Variants in ANTXR1 observed in about 807,000 individuals in gnomAD.
ANTXR1 encodes the protein ANTXR cell adhesion molecule 1.
ANTXR1 carries 19 observed loss-of-function variants against 78.1 expected under a neutral mutation model. That is an observed-to-expected ratio of 0.24 (90% CI 0.17 to 0.36). The LOEUF (loss-of-function observed/expected upper bound fraction) is 0.36, where lower values mean the gene tolerates loss of function less well. Ranked by LOEUF, ANTXR1 falls within the 10% of genes least tolerant of loss-of-function variation. The probability of loss-of-function intolerance (pLI) is 1.00; values close to 1 mark genes in which losing one functional copy is unlikely to be tolerated. For missense variants in ANTXR1, 518 were observed against 718.6 expected, an observed-to-expected ratio of 0.72 and a Z score of 3.19; for synonymous variants, 273 against 260.5, an observed-to-expected ratio of 1.05 and a Z score of -0.46.
Position 69,248,170 on chromosome 2 carries a change from AATT to A in ANTXR1, c.*2689_*2691del, listed in dbSNP as rs1574004159. 6.0e-6 allele frequency: 1 copy of A among 166,894 alleles called. No individual in the cohort carries two copies. The highest frequency in any genetic ancestry group is 1.9e-4 in the East Asian group (1 of 5,186). 10.3% of individuals were successfully genotyped at this position (166,894 alleles called of 1,614,324 possible). On this transcript the variant is annotated 3_prime_UTR_variant, in exon 18 of 18. Coordinates refer to ENST00000303714, the MANE Select transcript of ANTXR1 (RefSeq NM_032208.3). ...TGATTATGATCAGGAAACTGCACAA[AATT>A]ATTGTTTTCAGCCCCCGTGTTATTG... is the stretch of plus-strand genomic sequence containing the variant.
rs547254888 is a variant in ANTXR1, at chr2:69,183,543, G to C, written c.1353+883G>C. Reference sequence around the variant, plus strand: ...TCAACCCCCAAGTAGCTGGGACTACGGGCACGCACCACCACACCCAGCTAA... The same window carrying C: ...TCAACCCCCAAGTAGCTGGGACTACCGGCACGCACCACCACACCCAGCTAA... On this transcript the variant is annotated intron_variant, in intron 16 of 17. Transcript: ENST00000303714. Among the ~76,000 whole-genome samples the C allele has an allele frequency of 1.2e-4, 18 of 150,416 alleles. No homozygotes were observed. In the South Asian group the frequency reaches 3.4e-3, roughly 28 times the overall value.
chr2:69,126,850 A>T lies in ANTXR1; in HGVS notation c.951+2207A>T, dbSNP rs11678193. ...TCTTACATCTCCCTCATCTGAGCACATGCCACTAAATCTTCTCTTCACTTG... is the reference window on the plus strand; with the variant it reads ...TCTTACATCTCCCTCATCTGAGCACTTGCCACTAAATCTTCTCTTCACTTG... On this transcript the variant is annotated intron_variant, in intron 12 of 17. Coordinates refer to ENST00000303714, the MANE Select transcript of ANTXR1 (RefSeq NM_032208.3). 9.9e-3 allele frequency among the ~76,000 whole-genome samples: 1,514 copies of T among 152,326 alleles called. 15 individuals are homozygous for T. Among genetic ancestry groups the T allele is most frequent in the Non-Finnish European group, 0.016 (1,118 of 68,030 alleles).
At chr2:69,021,986 T>C (rs1671202794) in intron 1 of ANTXR1, among the ~76,000 whole-genome samples, 1 of 152,188 alleles carries the variant, frequency 6.6e-6, no homozygotes, top group African/African-American at 2.4e-5. Context: ...AAATATTCAG[T>C]GAGGTGGGCG....
intron 3 of ANTXR1, among the ~76,000 whole-genome samples, chr2:69,049,335 G>A (rs1308925462): frequency 1.3e-5 from 2 of 151,976 alleles, no homozygotes; most frequent in Non-Finnish European, 2.9e-5. Context: ...TTTTAAGAGG[G>A]AGTCTTGCTC....
chr2:69,197,165 C>T (rs1018575602), intron 17 of ANTXR1, among the ~76,000 whole-genome samples: 1 of 152,200 alleles, frequency 6.6e-6, no homozygotes, highest in Non-Finnish European at 1.5e-5. Flanking sequence ...AATGCTTGGG[C>T]CAACTTAAAA....
At chr2:69,110,687 C>T (rs1395125144) in intron 10 of ANTXR1, among the ~76,000 whole-genome samples, 3 of 152,016 alleles carry the variant, frequency 2.0e-5, no homozygotes, top group East Asian at 3.9e-4. Context: ...GGTGAAACCC[C>T]GTCTCCACTA....
At position 69,245,509 on chromosome 2, in the gene ANTXR1, T is replaced by C; in HGVS notation, c.*24T>C. 1 of 1,612,562 alleles carries C rather than the reference T, an allele frequency of 6.2e-7. No individual in the cohort carries two copies. The highest frequency in any genetic ancestry group is 8.5e-7 in the Non-Finnish European group (1 of 1,179,706). ...AGAGCCCAAAGTTCCTGCTCTGGGCTCTCTCAGAAACTTCAGGAGATGTTA... is the reference window on the plus strand; with the variant it reads ...AGAGCCCAAAGTTCCTGCTCTGGGCCCTCTCAGAAACTTCAGGAGATGTTA... On this transcript the variant is annotated 3_prime_UTR_variant, in exon 18 of 18. Coordinates refer to ENST00000303714, the MANE Select transcript of ANTXR1 (RefSeq NM_032208.3).
intron 9 of ANTXR1, among the ~76,000 whole-genome samples, chr2:69,091,372 C>G (rs925786677): frequency 7.4e-6 from 1 of 135,326 alleles, no homozygotes; most frequent in African/African-American, 2.8e-5. Flanking sequence ...ACCCGGGAGG[C>G]AGAGGTTGGG....
intron 1 of ANTXR1, among the ~76,000 whole-genome samples, chr2:69,028,071 G>A (rs1671403997): frequency 6.6e-6 from 1 of 152,112 alleles, no homozygotes; most frequent in African/African-American, 2.4e-5. Context: ...ACAGCTAGAG[G>A]AAAGTGATGA....
intron 12 of ANTXR1, among the ~76,000 whole-genome samples, chr2:69,127,186 G>C (rs1332073395): frequency 6.6e-6 from 1 of 152,212 alleles, no homozygotes; most frequent in Non-Finnish European, 1.5e-5. Context: ...AATTAGAGGA[G>C]AGTGAGAGGA....
At chr2:69,080,469 A>C (rs981522538) in intron 8 of ANTXR1, among the ~76,000 whole-genome samples, 4 of 152,238 alleles carry the variant, frequency 2.6e-5, no homozygotes, top group African/African-American at 9.7e-5. Flanking sequence ...AATTCTTCAC[A>C]AAGTTTTCTG....
chr2:69,181,531 T>C (rs779468866), intron 14 of ANTXR1, among the ~76,000 whole-genome samples: 1 of 152,170 alleles, frequency 6.6e-6, no homozygotes, highest in Non-Finnish European at 1.5e-5. Flanking sequence ...GGAGTAGAGC[T>C]GTAGAAGAGA....
chr2:69,189,923 A>G (rs1264391120), intron 16 of ANTXR1, among the ~76,000 whole-genome samples: 1 of 152,166 alleles, frequency 6.6e-6, no homozygotes, highest in Non-Finnish European at 1.5e-5. Flanking sequence ...TTAAGATTTA[A>G]TAGGTAAATA....
intron 3 of ANTXR1, among the ~76,000 whole-genome samples, chr2:69,058,505 T>G (rs1445064815): frequency 6.6e-6 from 1 of 150,758 alleles, no homozygotes; most frequent in African/African-American, 2.5e-5. Context: ...ACTGAATATT[T>G]TAAGCCCACT....
chr2:69,146,376 A>AT (rs1038010085), intron 12 of ANTXR1: 20 of 983,788 alleles, frequency 2.0e-5, no homozygotes, highest in South Asian at 1.9e-4. Flanking sequence ...CTTTATTTCC[A>AT]TTTTTTTTAA....
chr2:69,104,718 A>G (rs1270972668), intron 10 of ANTXR1, among the ~76,000 whole-genome samples: 1 of 152,186 alleles, frequency 6.6e-6, no homozygotes, highest in African/African-American at 2.4e-5. Context: ...CTGAAGATAC[A>G]TGGAAGTGGG....
intron 3 of ANTXR1, among the ~76,000 whole-genome samples, chr2:69,052,534 T>TA (rs1397850734): frequency 6.6e-6 from 1 of 152,106 alleles, no homozygotes; most frequent in African/African-American, 2.4e-5. Context: ...TGGCTGCTTA[T>TA]AGAACTTTTC....
chr2:69,225,929 A>G (rs1399668369), intron 17 of ANTXR1, among the ~76,000 whole-genome samples: 1 of 152,220 alleles, frequency 6.6e-6, no homozygotes, highest in Non-Finnish European at 1.5e-5. Flanking sequence ...GAAAGAGGAC[A>G]AGGAGTATTG....
intron 12 of ANTXR1, among the ~76,000 whole-genome samples, chr2:69,147,290 T>C (rs1179354288): frequency 6.6e-6 from 1 of 152,268 alleles, no homozygotes; most frequent in East Asian, 1.9e-4. Flanking sequence ...GCAAATACTA[T>C]TTACTAAATA....
Sources: gnomAD v4.1 joint callset for allele counts (sites outside exome capture counted in the v4.1 genomes callset) on GRCh38, gnomAD v4.1.1 for gene constraint, MANE v1.5 for transcripts, NCBI Gene and HGNC (gene_info 2026-07-23, HGNC 2026-07-21) for gene names.